Variants in RIMS1 observed in about 807,000 individuals in gnomAD.
The protein encoded by RIMS1 is regulating synaptic membrane exocytosis 1, also known as regulating synaptic membrane exocytosis protein 1.
Under a neutral mutation model 214.1 loss-of-function variants are expected in RIMS1, and 83 were observed. That is an observed-to-expected ratio of 0.39 (90% CI 0.32 to 0.47). RIMS1 has a LOEUF of 0.47. Ranked by LOEUF, RIMS1 falls within the 20% of genes least tolerant of loss-of-function variation. RIMS1 has a pLI of 0.99. For missense variants in RIMS1, 2,050 were observed against 2,161.8 expected (o/e 0.95, Z 1.03); for synonymous variants, 793 against 786.8 (o/e 1.01, Z -0.13).
At chr6:72,008,388 G>A (rs505136) in intron 2 of RIMS1, among the ~76,000 whole-genome samples, 44,126 of 152,014 alleles carry the variant, frequency 0.29, 7,456 homozygotes, top group Admixed American at 0.38. Context: ...TGTAAAGACC[G>A]TCGAGGCTAG....
chr6:72,075,849 T>A (rs967452558), intron 2 of RIMS1, among the ~76,000 whole-genome samples: 1 of 152,202 alleles, frequency 6.6e-6, no homozygotes, highest in African/African-American at 2.4e-5. Context: ...ATAAGTTTTT[T>A]AAAATTAAAT....
At chr6:71,999,607 TTG>T (rs1804511319) in intron 2 of RIMS1, among the ~76,000 whole-genome samples, 1 of 152,160 alleles carries the variant, frequency 6.6e-6, no homozygotes, top group African/African-American at 2.4e-5. Context: ...AGCTTGAAAT[TTG>T]GTCTCAATCT....
At chr6:71,959,356 G>A (rs1411023647) in intron 1 of RIMS1, among the ~76,000 whole-genome samples, 2 of 152,046 alleles carry the variant, frequency 1.3e-5, no homozygotes, top group African/African-American at 4.8e-5. Flanking sequence ...ATCCCACCAA[G>A]GAACCATTGT....
intron 6 of RIMS1, among the ~76,000 whole-genome samples, chr6:72,209,367 G>A (rs972710911): frequency 1.2e-4 from 18 of 152,168 alleles, no homozygotes; most frequent in Non-Finnish European, 2.2e-4. Flanking sequence ...TCAGGAAATT[G>A]TAATTATGAA....
chr6:72,155,709 C>T lies in RIMS1; in HGVS notation c.472-23866C>T, dbSNP rs1304015313. ...TAAAACCATCAGATCTAGTGAGACTCATTCACTATCACGAGAACAGTTCAG... is the reference window on the plus strand; with the variant it reads ...TAAAACCATCAGATCTAGTGAGACTTATTCACTATCACGAGAACAGTTCAG... On this transcript the variant is annotated intron_variant, in intron 4 of 33. Transcript: ENST00000521978. 1.4e-5 allele frequency among the ~76,000 whole-genome samples: 2 copies of T among 140,460 alleles called. 1 individual carries two copies. The highest frequency in any genetic ancestry group is 3.2e-5 in the Non-Finnish European group (2 of 61,784). The allele number at this position is 140,460 out of a possible 152,430, so 92.1% of individuals were successfully genotyped here. A position where few individuals can be genotyped will look rare whatever the true frequency, so the allele number is the denominator to read the frequency against.
chr6:72,199,692 T>G (rs1446927080), intron 6 of RIMS1, among the ~76,000 whole-genome samples: 1 of 152,032 alleles, frequency 6.6e-6, no homozygotes, highest in East Asian at 1.9e-4. Context: ...AATAGAGGAT[T>G]AAGTATGTTT....
chr6:72,284,916 G>A (rs1045144888), intron 24 of RIMS1, among the ~76,000 whole-genome samples: 1 of 152,140 alleles, frequency 6.6e-6, no homozygotes, highest in African/African-American at 2.4e-5. Flanking sequence ...ATAAACAGAT[G>A]TCCCTTGAGC....
intron 28 of RIMS1, among the ~76,000 whole-genome samples, chr6:72,327,466 T>A (rs963082274): frequency 4.0e-5 from 6 of 151,840 alleles, no homozygotes; most frequent in Non-Finnish European, 7.4e-5. Context: ...TTGCGAATAA[T>A]TTTGATATGA....
At chr6:71,987,123 CT>C (rs1260681076) in intron 2 of RIMS1, among the ~76,000 whole-genome samples, 1 of 152,154 alleles carries the variant, frequency 6.6e-6, no homozygotes, top group Non-Finnish European at 1.5e-5. Context: ...GATTATCTTG[CT>C]TTCATGTCAA....
chr6:72,252,610 T>A, intron 15 of RIMS1, 151 bp from the exon 16 acceptor site: 1 of 641,572 alleles, frequency 1.6e-6, no homozygotes, highest in Non-Finnish European at 2.8e-6. Context: ...AACAAACATT[T>A]CTTTTAAAAT....
intron 1 of RIMS1, among the ~76,000 whole-genome samples, chr6:71,917,555 A>G (rs1778788493): frequency 6.6e-6 from 1 of 152,144 alleles, no homozygotes; most frequent in African/African-American, 2.4e-5. Context: ...AAGAAGAGGG[A>G]AGAAGGTCAC....
intron 1 of RIMS1, among the ~76,000 whole-genome samples, chr6:71,952,589 C>A (rs74632943): frequency 1.1e-4 from 16 of 152,110 alleles, no homozygotes; most frequent in African/African-American, 3.4e-4. Context: ...GTTCCTACTG[C>A]GAAACACCAG....
intron 26 of RIMS1, among the ~76,000 whole-genome samples, chr6:72,300,375 C>G (rs1057466086): frequency 2.4e-4 from 37 of 151,674 alleles, no homozygotes; most frequent in African/African-American, 8.9e-4. Context: ...TGTATATGTT[C>G]CCCAAATATT....
At chr6:71,946,889 T>C (rs1294347021) in intron 1 of RIMS1, among the ~76,000 whole-genome samples, 1 of 151,980 alleles carries the variant, frequency 6.6e-6, no homozygotes, top group African/African-American at 2.4e-5. Context: ...AAAATGTACA[T>C]CTGATAAGAG....
chr6:72,211,644 C>G (rs138118549), intron 6 of RIMS1, among the ~76,000 whole-genome samples: 66 of 152,122 alleles, frequency 4.3e-4, no homozygotes, highest in Middle Eastern at 6.8e-3. Flanking sequence ...ATTATTACTT[C>G]AAAGGATACT....
chr6:72,340,160 A>T (rs2097007033), intron 29 of RIMS1, among the ~76,000 whole-genome samples: 1 of 151,734 alleles, frequency 6.6e-6, no homozygotes, highest in Non-Finnish European at 1.5e-5. Context: ...AATTTGTTTG[A>T]GTTCATTGTA....
intron 9 of RIMS1, 101 bp from the exon 10 acceptor site, chr6:72,242,213 T>C: frequency 1.1e-6 from 1 of 920,982 alleles, no homozygotes; most frequent in South Asian, 1.7e-5. Flanking sequence ...ACAATTAAAC[T>C]ATTTGTATAT....
intron 22 of RIMS1, among the ~76,000 whole-genome samples, chr6:72,272,334 A>G (rs897992093): frequency 2.0e-5 from 3 of 152,166 alleles, no homozygotes; most frequent in African/African-American, 7.2e-5. Context: ...AAAACTTACA[A>G]AGATGTGTTA....
At chr6:72,005,941 A>G (rs891492233) in intron 2 of RIMS1, among the ~76,000 whole-genome samples, 3 of 152,198 alleles carry the variant, frequency 2.0e-5, no homozygotes, top group Non-Finnish European at 2.9e-5. Context: ...GCCATGGCAA[A>G]TTACGATAGA....
Sources: allele counts gnomAD v4.1 joint callset (sites outside exome capture counted in the v4.1 genomes callset), GRCh38; gene constraint gnomAD v4.1.1; transcripts MANE v1.5; gene names NCBI Gene and HGNC (gene_info 2026-07-23, HGNC 2026-07-21).